The following HIVEP3 variants were observed in gnomAD, a reference collection of about 807,000 sequenced individuals.
HIVEP3 encodes HIVEP zinc finger 3.
HIVEP3 carries 49 observed loss-of-function variants against 152.8 expected under a neutral mutation model. That is an observed-to-expected ratio of 0.32 (90% confidence interval 0.26 to 0.41). The LOEUF (loss-of-function observed/expected upper bound fraction) is 0.41. Ranked by LOEUF, HIVEP3 falls within the 10% of genes least tolerant of loss-of-function variation. HIVEP3 has a pLI of 1.00. For synonymous variants in HIVEP3, 1,269 were observed against 1,289.0 expected (o/e 0.98, Z 0.33); for missense variants, 2,790 against 3,103.3 (o/e 0.90, Z 2.40).
At chr1:41,534,229 A>C (rs1487930346) in intron 5 of HIVEP3, among the ~76,000 whole-genome samples, 1 of 152,016 alleles carries the variant, frequency 6.6e-6, no homozygotes, top group African/African-American at 2.4e-5. Context: ...GTCCCACTTC[A>C]TGCTTCTCCC....
intron 1 of HIVEP3, among the ~76,000 whole-genome samples, chr1:41,866,195 T>C (rs1367587188): frequency 6.6e-6 from 1 of 152,094 alleles, no homozygotes; most frequent in Non-Finnish European, 1.5e-5. Context: ...GACTGAGAGA[T>C]GGGGATGGAC....
chr1:41,645,160 C>T (rs1645440004), intron 2 of HIVEP3, among the ~76,000 whole-genome samples: 1 of 152,154 alleles, frequency 6.6e-6, no homozygotes, highest in Non-Finnish European at 1.5e-5. Context: ...GGCCTCCAAG[C>T]CCTTGAATCG....
At chr1:41,768,944 C>T (rs1251847956) in intron 1 of HIVEP3, among the ~76,000 whole-genome samples, 1 of 152,248 alleles carries the variant, frequency 6.6e-6, no homozygotes, top group Non-Finnish European at 1.5e-5. Context: ...CACAAGGCTT[C>T]CATTCCAACC....
chr1:42,021,536 C>G (rs1265047345), intron 1 of HIVEP3, among the ~76,000 whole-genome samples: 1 of 151,998 alleles, frequency 6.6e-6, no homozygotes, highest in Non-Finnish European at 1.5e-5. Flanking sequence ...CGTTTATACA[C>G]TCAAGTGGAG....
intron 1 of HIVEP3, among the ~76,000 whole-genome samples, chr1:41,813,553 C>A (rs1651092514): frequency 6.6e-6 from 1 of 152,222 alleles, no homozygotes; most frequent in Non-Finnish European, 1.5e-5. Flanking sequence ...TCCGCAGGAC[C>A]ACAGTGGATA....
intron 1 of HIVEP3, among the ~76,000 whole-genome samples, chr1:41,885,327 C>G (rs1347534258): frequency 6.6e-6 from 1 of 151,944 alleles, no homozygotes; most frequent in African/African-American, 2.4e-5. Flanking sequence ...TGGTAGGGGG[C>G]CACTGAATTC....
At position 41,654,938 on chromosome 1, in the gene HIVEP3, G is replaced by A. The variant is rs560212122; in HGVS notation, c.-720-25991C>T. Among the ~76,000 whole-genome samples, 42 of 152,216 alleles carry A rather than the reference G, an allele frequency of 2.8e-4. No individual in the cohort carries two copies. In the East Asian group the frequency reaches 3.1e-3, roughly 11 times the overall value. ...TATAGTTCTCAGGTTCCTCAACTGC[G>A]GTCTGGAGATAATACCTTCTAGCTT... On this transcript the variant is annotated intron_variant, in intron 2 of 8. Transcript: ENST00000372583.
chr1:41,961,247 C>G (rs1645167992), intron 1 of HIVEP3, among the ~76,000 whole-genome samples: 1 of 152,254 alleles, frequency 6.6e-6, no homozygotes, highest in East Asian at 1.9e-4. Flanking sequence ...CTCCAACCAT[C>G]ATCAGACTGT....
intron 3 of HIVEP3, among the ~76,000 whole-genome samples, chr1:41,600,022 C>T (rs1266584695): frequency 6.6e-6 from 1 of 152,168 alleles, no homozygotes; most frequent in African/African-American, 2.4e-5. Flanking sequence ...GAAGATACCA[C>T]CTCACACACA....
chr1:41,955,977 C>T (rs1030774574), intron 1 of HIVEP3, among the ~76,000 whole-genome samples: 1 of 152,214 alleles, frequency 6.6e-6, no homozygotes, highest in Non-Finnish European at 1.5e-5. Context: ...GCTGGGACCT[C>T]TCCTTTCACT....
chr1:41,904,145 C>A (rs1306128057), intron 1 of HIVEP3, among the ~76,000 whole-genome samples: 2 of 152,122 alleles, frequency 1.3e-5, no homozygotes, highest in Non-Finnish European at 2.9e-5. Context: ...GATCTGCCTA[C>A]CTCGGCCTCC....
Position 41,629,017 on chromosome 1 carries a change from C to T in HIVEP3, c.-720-70G>A, listed in dbSNP as rs1224157413. 4 of 1,146,138 alleles carry T rather than the reference C, an allele frequency of 3.5e-6. No individual in the cohort carries two copies. The Admixed American group carries it at 1.3e-4, about 37-fold the overall frequency. The allele number at this position is 1,146,138 out of a possible 1,614,324, so 71.0% of individuals were successfully genotyped here. ...CAACTTTTTTAGACACAGAACAATC[C>T]CTGCCTGGTCCCTGGAGGACACACC... On this transcript the variant is annotated intron_variant, in intron 2 of 8. Transcript: ENST00000372583.
intron 1 of HIVEP3, among the ~76,000 whole-genome samples, chr1:41,828,959 C>A (rs1338752894): frequency 6.6e-6 from 1 of 152,230 alleles, no homozygotes. Context: ...ATCTGTAATT[C>A]TGGCCAACAT....
chr1:41,546,974 T>A (rs925720825), intron 5 of HIVEP3, among the ~76,000 whole-genome samples: 21 of 152,196 alleles, frequency 1.4e-4, no homozygotes, highest in Admixed American at 1.1e-3. Flanking sequence ...TCACACTGAC[T>A]GCAGATCTAC....
chr1:41,874,498 C>CCTA (rs1168631017), intron 1 of HIVEP3, among the ~76,000 whole-genome samples: 2 of 152,142 alleles, frequency 1.3e-5, no homozygotes, highest in Non-Finnish European at 2.9e-5. Context: ...GTCTAAGGTT[C>CCTA]GAAATGTGGA....
At chr1:42,030,452 A>C (rs1375034995) in intron 1 of HIVEP3, among the ~76,000 whole-genome samples, 4 of 152,174 alleles carry the variant, frequency 2.6e-5, no homozygotes. Flanking sequence ...AGAACTCTCC[A>C]CAACTGATAC....
chr1:42,000,383 G>A (rs1164236511), intron 1 of HIVEP3, among the ~76,000 whole-genome samples: 2 of 152,198 alleles, frequency 1.3e-5, no homozygotes, highest in African/African-American at 4.8e-5. Context: ...GTAAATGGAG[G>A]AATGTAATAC....
intron 1 of HIVEP3, among the ~76,000 whole-genome samples, chr1:41,751,217 C>T (rs2124224138): frequency 6.6e-6 from 1 of 151,760 alleles, no homozygotes; most frequent in East Asian, 1.9e-4. Context: ...TAAAAAGTGA[C>T]AACAGATGGG....
chr1:41,636,959 CAAAAA>C (rs56258158), intron 2 of HIVEP3, among the ~76,000 whole-genome samples: 143 of 127,100 alleles, frequency 1.1e-3, no homozygotes, highest in Non-Finnish European at 1.1e-3. Flanking sequence ...AACTCCATCT[CAAAAA>C]AAAAAAAAAA....
Sources: allele counts gnomAD v4.1 joint callset (sites outside exome capture counted in the v4.1 genomes callset), GRCh38; gene constraint gnomAD v4.1.1; transcripts MANE v1.5; gene names NCBI Gene and HGNC (gene_info 2026-07-23, HGNC 2026-07-21).